The following ZNF496 variants were observed in gnomAD, a reference collection of about 807,000 sequenced individuals.
ZNF496 encodes the protein zinc finger protein 496, also known as NSD1 (nuclear receptor binding SET-domain containing 1)-interacting zinc finger protein 1.
In ZNF496, 11 loss-of-function variants were observed where a neutral mutation model predicts 58.9. The observed-to-expected ratio is 0.19, with a 90% CI of 0.12 to 0.31. The LOEUF (loss-of-function observed/expected upper bound fraction) is 0.31, where lower values mean the gene tolerates loss of function less well. Among genes scored for constraint, ZNF496 ranks in the 10% least tolerant of loss-of-function variants. ZNF496 has a pLI of 1.00. For synonymous variants in ZNF496, 338 were observed against 318.2 expected, an observed-to-expected ratio of 1.06 and a Z score of -0.66; for missense variants, 660 against 783.0, an observed-to-expected ratio of 0.84 and a Z score of 1.88.
chr1:247,330,879 G>A (rs1660300310), intron 2 of ZNF496, among the ~76,000 whole-genome samples: 1 of 152,258 alleles, frequency 6.6e-6, no homozygotes, highest in Admixed American at 6.5e-5. Context: ...AGTGGTTCCA[G>A]AAACACCCAC....
At chr1:247,317,031 T>TA (rs1167560404) in intron 6 of ZNF496, among the ~76,000 whole-genome samples, 1 of 152,202 alleles carries the variant, frequency 6.6e-6, no homozygotes, top group Admixed American at 6.5e-5. Context: ...TACATTTTGT[T>TA]AATTTTTCAC....
At chr1:247,326,677 TG>T (rs1166681226) in intron 5 of ZNF496, among the ~76,000 whole-genome samples, 1 of 152,206 alleles carries the variant, frequency 6.6e-6, no homozygotes, top group African/African-American at 2.4e-5. Flanking sequence ...ATTCCTATGT[TG>T]AAGCCCTAAC....
At chr1:247,306,149 A>G (rs1659400685) in intron 9 of ZNF496, among the ~76,000 whole-genome samples, 1 of 152,132 alleles carries the variant, frequency 6.6e-6, no homozygotes, top group Admixed American at 6.5e-5. Flanking sequence ...TGGTTTGGTA[A>G]TGTAGAGTAA....
In ZNF496 at chr1:247,299,663, T is replaced by A. The variant is rs1022744032; in HGVS notation, c.*856A>T. The A allele has an allele frequency of 5.9e-5, 9 of 152,216 alleles. No homozygotes were observed. Among genetic ancestry groups the A allele is most frequent in the African/African-American group, 2.2e-4 (9 of 41,450 alleles). 9.4% of individuals were successfully genotyped at this position (152,216 alleles called of 1,614,324 possible). Reference sequence around the variant, plus strand: ...GACAGGACAGATTGGAAGAAGGGACTTAAGTGCCTTTTAAACGATGACAAC... The same window carrying A: ...GACAGGACAGATTGGAAGAAGGGACATAAGTGCCTTTTAAACGATGACAAC... On this transcript the variant is annotated 3_prime_UTR_variant, in exon 10 of 10. Transcript: ENST00000682384.
intron 6 of ZNF496, chr1:247,313,396 C>A (rs1238539823): frequency 1.3e-5 from 2 of 152,244 alleles, no homozygotes; most frequent in African/African-American, 4.8e-5. Context: ...AGTGGACACA[C>A]TGCTTTGTTA....
Position 247,300,595 on chromosome 1 carries a change from G to A in ZNF496, c.1688C>T (p.Thr563Met), listed in dbSNP as rs1159832843. ...GTGGCGGAGGAGGTCATAGTTCTGC[G>A]TGAAGCTCTTGACGCAGTACCGGCA... Reference protein sequence around the residue: ...FQCRYCVKSFTQNYDLLRHER... With the variant: ...FQCRYCVKSFMQNYDLLRHER... Residue 563 changes from threonine (T) to methionine (M), a missense_variant, in exon 10 of 10, where the codon ACG (threonine) becomes ATG (methionine). Thr to Met is a moderately conservative substitution (Grantham distance 81). Transcript: ENST00000682384. This position sits in a 1 kb window ranked among gnomAD's most constrained non-coding sequence, Gnocchi z 5.7. 1.5e-5 allele frequency: 24 copies of A among 1,614,086 alleles called. No individual in the cohort carries two copies. The highest frequency in any genetic ancestry group is 2.2e-5 in the East Asian group (1 of 44,864).
At chr1:247,313,135 C>T (rs1252339286) in intron 6 of ZNF496, 3 of 152,206 alleles carry the variant, frequency 2.0e-5, no homozygotes, top group Non-Finnish European at 4.4e-5. Context: ...TTTAGAAGGG[C>T]ACTAATCCAT....
At chr1:247,313,289 G>C (rs1469260813) in intron 6 of ZNF496, 2 of 152,302 alleles carry the variant, frequency 1.3e-5, no homozygotes, top group East Asian at 1.9e-4. Flanking sequence ...CTAGGGGAGG[G>C]GGGTGGTGTG....
intron 5 of ZNF496, among the ~76,000 whole-genome samples, chr1:247,326,085 T>TATATACACACACACACAC (rs1660115038): frequency 7.4e-6 from 1 of 135,754 alleles, no homozygotes; most frequent in African/African-American, 2.6e-5. Context: ...CACACACACA[T>TATATACACACACACACAC]ATATACACAC....
intron 5 of ZNF496, among the ~76,000 whole-genome samples, chr1:247,328,272 G>T (rs1029414791): frequency 6.6e-6 from 1 of 152,128 alleles, no homozygotes; most frequent in South Asian, 2.1e-4. Flanking sequence ...CTGTAAACAG[G>T]AGTTGTTTAG....
intron 5 of ZNF496, among the ~76,000 whole-genome samples, chr1:247,324,212 A>G (rs1660050821): frequency 6.6e-6 from 1 of 152,252 alleles, no homozygotes; most frequent in Admixed American, 6.5e-5. Flanking sequence ...GCAATAAGCC[A>G]GACACAAAAA....
Position 247,329,062 on chromosome 1 carries a change from T to G in ZNF496, c.390+127A>C, listed in dbSNP as rs1345495893. The G allele has an allele frequency of 1.1e-5, 16 of 1,507,582 alleles. No homozygotes were observed. Among genetic ancestry groups the G allele is most frequent in the Non-Finnish European group, 9.0e-7 (1 of 1,105,212 alleles). The allele number at this position is 1,507,582 out of a possible 1,614,324, so 93.4% of individuals were successfully genotyped here. Reference sequence around the variant, plus strand: ...AACTGGCTTTCTTAGGAAACTCTAGTCTGGACCTAACCAAAGTAAATGGCT... The same window carrying G: ...AACTGGCTTTCTTAGGAAACTCTAGGCTGGACCTAACCAAAGTAAATGGCT... On this transcript the variant is annotated intron_variant, in intron 4 of 9. Coordinates refer to ENST00000682384, the MANE Select transcript of ZNF496 (RefSeq NM_032752.3). This position sits in a 1 kb window ranked among gnomAD's most constrained non-coding sequence, Gnocchi z 5.5.
intron 6 of ZNF496, among the ~76,000 whole-genome samples, chr1:247,317,811 T>C (rs1294474775): frequency 1.3e-5 from 2 of 152,160 alleles, no homozygotes; most frequent in African/African-American, 4.8e-5. Flanking sequence ...AGTCTCATCA[T>C]ATAAAAATAT....
At chr1:247,310,196 G>A (rs1225368051) in intron 7 of ZNF496, 128 bp downstream of exon 7, 2 of 1,500,960 alleles carry the variant, frequency 1.3e-6, no homozygotes, top group Non-Finnish European at 1.8e-6. Flanking sequence ...CAGGTTGGGG[G>A]TGAACAGAGA....
At chr1:247,305,269 C>A (rs1285466030) in intron 9 of ZNF496, among the ~76,000 whole-genome samples, 1 of 151,776 alleles carries the variant, frequency 6.6e-6, no homozygotes, top group Non-Finnish European at 1.5e-5. Flanking sequence ...AGCTAGACTC[C>A]GTCTGAAAAA....
rs979235286 is a variant in ZNF496, at chr1:247,300,264, T to A, written c.*255A>T. The A allele has an allele frequency of 2.5e-6, 1 of 399,994 alleles. No homozygotes were observed. Among genetic ancestry groups the A allele is most frequent in the African/African-American group, 2.0e-5 (1 of 49,898 alleles). 24.8% of individuals were successfully genotyped at this position (399,994 alleles called of 1,614,324 possible). ...TCTAAGACGCAGAACACCTGGCATG[T>A]CCAACCTGGTGATGGCACATCCCCC... is the stretch of plus-strand genomic sequence containing the variant. On this transcript the variant is annotated 3_prime_UTR_variant, in exon 10 of 10. Coordinates refer to ENST00000682384, the MANE Select transcript of ZNF496 (RefSeq NM_032752.3). The surrounding 1 kb of genome is among the most constrained non-coding windows in gnomAD (Gnocchi z 5.7).
Position 247,308,420 on chromosome 1 carries a change from GCGACACACCAC to G in ZNF496, c.1006+44_1006+54del. 6.6e-7 allele frequency: 1 copy of G among 1,504,962 alleles called. No homozygotes were observed. The highest frequency in any genetic ancestry group is 9.2e-7 in the Non-Finnish European group (1 of 1,082,216). 93.2% of individuals were successfully genotyped at this position (1,504,962 alleles called of 1,614,324 possible). On this transcript the variant is annotated intron_variant, in intron 9 of 9. Coordinates refer to ENST00000682384, the MANE Select transcript of ZNF496 (RefSeq NM_032752.3). This position sits in a 1 kb window ranked among gnomAD's most constrained non-coding sequence, Gnocchi z 4.5. The stretch of plus-strand genomic sequence containing the variant: ...GCCACACATGCATACATACATTCAT[GCGACACACCAC>G]AGACACACAGGGACAAACCCATACC...
At chr1:247,327,088 G>A (rs1660156996) in intron 5 of ZNF496, among the ~76,000 whole-genome samples, 1 of 151,984 alleles carries the variant, frequency 6.6e-6, no homozygotes, top group South Asian at 2.1e-4. Context: ...TTTTGAGATG[G>A]AGTTTTACTG....
chr1:247,308,543 C>T lies in ZNF496; in HGVS notation c.938G>A (p.Arg313His), dbSNP rs201811036. The change falls in exon 9 of 10, where the codon CGT (arginine) becomes CAT (histidine). Residue 313 changes from arginine to histidine, a missense_variant. Arg to His is a conservative substitution (Grantham distance 29, BLOSUM62 0). Coordinates refer to ENST00000682384, the MANE Select transcript of ZNF496 (RefSeq NM_032752.3). The surrounding 1 kb of genome is among the most constrained non-coding windows in gnomAD (Gnocchi z 4.5). ...GAACTCTGGCACCTGCAGCTCCTCA[C>T]GTTTCCTTCTTTCTTCTACCTGGAA... ...QPFQVEERRK[R>H]EELQVPEFQA... 10 of 1,614,170 alleles carry T rather than the reference C, an allele frequency of 6.2e-6. No homozygotes were observed. Among genetic ancestry groups the T allele is most frequent in the South Asian group, 3.3e-5 (3 of 91,082 alleles).
Sources: allele counts gnomAD v4.1 joint callset (sites outside exome capture counted in the v4.1 genomes callset), GRCh38; gene constraint gnomAD v4.1.1; non-coding constraint Gnocchi (gnomAD v3.1); transcripts MANE v1.5; gene names NCBI Gene and HGNC (gene_info 2026-07-23, HGNC 2026-07-21).